The following MIGA1 variants were observed in gnomAD, a reference collection of about 807,000 sequenced individuals.
The protein encoded by MIGA1 is family with sequence similarity 73, member A.
MIGA1 carries 58 observed loss-of-function variants against 82.0 expected under a neutral mutation model. The ratio of observed to expected loss-of-function variants is 0.71; its 90% CI spans 0.57 to 0.88. The LOEUF (loss-of-function observed/expected upper bound fraction) is 0.88. MIGA1 is among the 40% of genes least tolerant of loss of function. MIGA1 has a pLI of 0.00. For missense variants in MIGA1, 751 were observed against 749.1 expected, an observed-to-expected ratio of 1.00 and a Z score of -0.03; for synonymous variants, 249 against 253.6, an observed-to-expected ratio of 0.98 and a Z score of 0.17.
chr1:77,841,199 A>T (rs1320323972), intron 7 of MIGA1, among the ~76,000 whole-genome samples: 1 of 152,138 alleles, frequency 6.6e-6, no homozygotes, highest in Non-Finnish European at 1.5e-5. Context: ...ATTAATAGTC[A>T]TTTAGTAGTA....
At chr1:77,840,625 C>A (rs1204740987) in intron 7 of MIGA1, among the ~76,000 whole-genome samples, 1 of 151,986 alleles carries the variant, frequency 6.6e-6, no homozygotes, top group African/African-American at 2.4e-5. Context: ...CCAGCCTGAC[C>A]AACATGCAGA....
chr1:77,783,302 C>T lies in MIGA1; in HGVS notation c.146C>T (p.Ala49Val), dbSNP rs368396280. The T allele has an allele frequency of 2.6e-5, 41 of 1,603,042 alleles. No homozygotes were observed. In the African/African-American group the frequency reaches 3.9e-4, roughly 15 times the overall value. Residue 49 changes from alanine to valine, a missense_variant, in exon 2 of 16, where the codon GCG (alanine) becomes GTG (valine). Coordinates refer to ENST00000370791, the MANE Select transcript of MIGA1 (RefSeq NM_198549.4). ...TCACAGTTTTCCTTGAAGACAGCAG[C>T]GCTAAGAGTGTTTGATCTTCCTCTG...
chr1:77,815,230 T>C lies in MIGA1; in HGVS notation c.894T>C (p.Ile298=). ...ATCCTAATTCCCTTGCTGATGATAT[T>C]GGTAAGATGGATATTTCATATGGCT... Residue 298 remains isoleucine (I), a splice_region_variant and synonymous_variant, in exon 7 of 16, where the codon ATT becomes ATC. Coordinates refer to ENST00000370791, the MANE Select transcript of MIGA1 (RefSeq NM_198549.4). 6.3e-7 allele frequency: 1 copy of C among 1,589,648 alleles called. No homozygotes were observed. The highest frequency in any genetic ancestry group is 8.6e-7 in the Non-Finnish European group (1 of 1,168,454).
intron 7 of MIGA1, among the ~76,000 whole-genome samples, chr1:77,841,233 T>A (rs538037644): frequency 9.2e-5 from 14 of 152,228 alleles, no homozygotes; most frequent in African/African-American, 2.9e-4. Flanking sequence ...GATGAAAAGT[T>A]TTAGGTACTT....
rs1683295377 is a variant in MIGA1 at position 77,810,773 on chromosome 1, T to C, written c.638-2961T>C. The C allele has an allele frequency of 1.9e-5, 26 of 1,384,480 alleles. No homozygotes were observed. The South Asian group carries it at 3.2e-4, about 17-fold the overall frequency. The allele number at this position is 1,384,480 out of a possible 1,614,324, so 85.8% of individuals were successfully genotyped here. On this transcript the variant is annotated intron_variant, in intron 5 of 15. Coordinates refer to ENST00000370791, the MANE Select transcript of MIGA1 (RefSeq NM_198549.4). ...GTCTGGGTACGGCTTGCTTCCTGCCTGTTGAAGGGTGAATATGCTACACAG... is the reference window on the plus strand; with the variant it reads ...GTCTGGGTACGGCTTGCTTCCTGCCCGTTGAAGGGTGAATATGCTACACAG...
intron 7 of MIGA1, among the ~76,000 whole-genome samples, chr1:77,817,955 A>ATT (rs10676009): frequency 0.21 from 24,747 of 115,460 alleles, 3,116 homozygotes; most frequent in East Asian, 0.42. Context: ...AGATTGGAAG[A>ATT]TTTTTTTTTT....
At chr1:77,855,786 T>C (rs1685230524) in intron 8 of MIGA1, among the ~76,000 whole-genome samples, 1 of 152,042 alleles carries the variant, frequency 6.6e-6, no homozygotes, top group Non-Finnish European at 1.5e-5. Context: ...TTCTAGGAGC[T>C]TTCTAGACAA....
At chr1:77,797,562 T>A (rs1468644085) in intron 2 of MIGA1, among the ~76,000 whole-genome samples, 1 of 152,220 alleles carries the variant, frequency 6.6e-6, no homozygotes, top group African/African-American at 2.4e-5. Flanking sequence ...ATGTTGTTTA[T>A]GTAGATCAAA....
chr1:77,822,998 A>C (rs1457255783), intron 7 of MIGA1, among the ~76,000 whole-genome samples: 4 of 151,964 alleles, frequency 2.6e-5, no homozygotes, highest in Non-Finnish European at 5.9e-5. Flanking sequence ...GTGTGCCACC[A>C]CGCCAGGCTA....
At position 77,813,814 on chromosome 1, in the gene MIGA1, T is replaced by A. The variant is rs1313725360; in HGVS notation, c.718T>A (p.Cys240Ser). 6.2e-7 allele frequency: 1 copy of A among 1,614,234 alleles called. No individual in the cohort carries two copies. Among genetic ancestry groups the A allele is most frequent in the Non-Finnish European group, 8.5e-7 (1 of 1,180,030 alleles). Reference sequence around the variant, plus strand: ...CAATAGACAGGCTGAAGATGAAGCCTGTGGTTCCATTAAACTGGGTGCAGG... The same window carrying A: ...CAATAGACAGGCTGAAGATGAAGCCAGTGGTTCCATTAAACTGGGTGCAGG... The change falls in exon 6 of 16, where the codon TGT (cysteine) becomes AGT (serine). Residue 240 changes from cysteine to serine, a missense_variant. By Grantham distance (112) the Cys-to-Ser change is moderately radical (BLOSUM62 -1). This residue lies in a region of MIGA1 where 482 missense variants were observed against 439.4 expected (regional missense o/e 1.10). Coordinates refer to ENST00000370791, the MANE Select transcript of MIGA1 (RefSeq NM_198549.4).
At chr1:77,788,951 T>C (rs1372182016) in intron 2 of MIGA1, among the ~76,000 whole-genome samples, 1 of 152,202 alleles carries the variant, frequency 6.6e-6, no homozygotes, top group South Asian at 2.1e-4. Flanking sequence ...CAAAAAATCA[T>C]TGGGATTTTG....
At chr1:77,856,753 G>A (rs1252098996) in intron 8 of MIGA1, among the ~76,000 whole-genome samples, 1 of 151,804 alleles carries the variant, frequency 6.6e-6, no homozygotes, top group East Asian at 1.9e-4. Flanking sequence ...GAGGTTATTG[G>A]GATTTTCTCT....
In MIGA1 at chr1:77,843,958, GA is replaced by G. The variant is rs542455932; in HGVS notation, c.996+552del. ...TACAAAAAATTTAAAAAATTAACCA[GA>G]TGTGGTAGTGAGTAGCCTATAGTTC... On this transcript the variant is annotated intron_variant, in intron 8 of 15. Transcript: ENST00000370791. 5.4e-4 allele frequency among the ~76,000 whole-genome samples: 82 copies of G among 151,540 alleles called. 1 individual carries two copies. Among genetic ancestry groups the G allele is most frequent in the African/African-American group, 2.0e-3 (82 of 41,344 alleles).
chr1:77,840,793 C>T (rs925206379), intron 7 of MIGA1, among the ~76,000 whole-genome samples: 1 of 151,794 alleles, frequency 6.6e-6, no homozygotes, highest in Admixed American at 6.6e-5. Context: ...GCCTAGGCAA[C>T]GAGCAAAATT....
intron 7 of MIGA1, among the ~76,000 whole-genome samples, chr1:77,827,142 T>C (rs1684061224): frequency 6.6e-6 from 1 of 151,400 alleles, no homozygotes; most frequent in African/African-American, 2.4e-5. Flanking sequence ...GGTGTTTTGC[T>C]CTGTGGCCCA....
At chr1:77,846,342 C>T (rs370252700) in intron 8 of MIGA1, among the ~76,000 whole-genome samples, 3 of 152,120 alleles carry the variant, frequency 2.0e-5, no homozygotes, top group Non-Finnish European at 2.9e-5. Flanking sequence ...ATTCTTCCAT[C>T]TGTTAAAGAT....
intron 4 of MIGA1, among the ~76,000 whole-genome samples, chr1:77,805,438 G>A (rs981893304): frequency 3.6e-4 from 53 of 146,386 alleles, no homozygotes; most frequent in African/African-American, 1.3e-3. Context: ...AAACCGAGCA[G>A]CATAATGAAG....
intron 7 of MIGA1, among the ~76,000 whole-genome samples, chr1:77,835,689 T>C (rs1221302133): frequency 1.3e-5 from 2 of 152,196 alleles, no homozygotes; most frequent in East Asian, 1.9e-4. Flanking sequence ...GGCTCACAGC[T>C]GTAATCCCAG....
chr1:77,822,040 CACACACACACAT>C (rs1430205525), intron 7 of MIGA1, among the ~76,000 whole-genome samples: 1 of 151,554 alleles, frequency 6.6e-6, no homozygotes, highest in East Asian at 1.9e-4. Flanking sequence ...CCTTACACAC[CACACACACACAT>C]ACACACACAA....
Sources: gnomAD v4.1 joint callset for allele counts (sites outside exome capture counted in the v4.1 genomes callset) on GRCh38, gnomAD v4.1.1 for gene constraint, gnomAD v4.1.1 regional missense constraint, MANE v1.5 for transcripts, NCBI Gene and HGNC (gene_info 2026-07-23, HGNC 2026-07-21) for gene names.